The following LUC7L3 variants were observed in gnomAD, a reference collection of about 807,000 sequenced individuals.
LUC7L3 encodes the protein LUC7 like 3 pre-mRNA splicing factor.
Under a neutral mutation model 66.8 loss-of-function variants are expected in LUC7L3, and 6 were observed. The ratio of observed to expected loss-of-function variants is 0.09; its 90% confidence interval spans 0.05 to 0.18. The LOEUF is 0.18. LUC7L3 is among the 10% of genes least tolerant of loss of function. The pLI, the probability that LUC7L3 is intolerant of heterozygous loss-of-function variation, is 1.00. For missense variants in LUC7L3, 341 were observed against 531.1 expected (o/e 0.64, Z 3.52); for synonymous variants, 160 against 174.7 (o/e 0.92, Z 0.66).
At chr17:50,735,375 AAAAG>A (rs1424783361) in intron 1 of LUC7L3, among the ~76,000 whole-genome samples, 1 of 152,204 alleles carries the variant, frequency 6.6e-6, no homozygotes, top group Non-Finnish European at 1.5e-5. Context: ...TTGAGGAAAA[AAAAG>A]GCCTATTTCA....
chr17:50,750,993 CTTTTT>C lies in LUC7L3; in HGVS notation c.*340_*344del, dbSNP rs55943930. ...TTTTTTAGGGATTTTGATGTCATTT[CTTTTT>C]TTTTTTTAATAAAAAGGTTGAACTG... On this transcript the variant is annotated 3_prime_UTR_variant, in exon 10 of 10. Coordinates refer to ENST00000505658, the MANE Select transcript of LUC7L3 (RefSeq NM_016424.5). 2 of 1,076,892 alleles carry C rather than the reference CTTTTT, an allele frequency of 1.9e-6. No homozygotes were observed. Among genetic ancestry groups the C allele is most frequent in the Non-Finnish European group, 2.4e-6 (2 of 819,984 alleles). The allele number at this position is 1,076,892 out of a possible 1,614,324, so 66.7% of individuals were successfully genotyped here. A position where few individuals can be genotyped will look rare whatever the true frequency, so the allele number is the denominator to read the frequency against.
chr17:50,739,299 CAT>C (rs1224362823), intron 2 of LUC7L3, among the ~76,000 whole-genome samples: 1 of 152,156 alleles, frequency 6.6e-6, no homozygotes, highest in Non-Finnish European at 1.5e-5. Context: ...TATTTTGAGT[CAT>C]ATGTGAAATT....
chr17:50,724,128 A>G lies in LUC7L3; in HGVS notation c.99+4297A>G, dbSNP rs1481839181. The G allele has an allele frequency of 2.7e-5, 8 of 300,814 alleles. No individual in the cohort carries two copies. In the Admixed American group the frequency reaches 3.4e-4, roughly 13 times the overall value. 18.6% of individuals were successfully genotyped at this position (300,814 alleles called of 1,614,324 possible). A position where few individuals can be genotyped will look rare whatever the true frequency, so the allele number is the denominator to read the frequency against. On this transcript the variant is annotated intron_variant, in intron 1 of 9. Coordinates refer to ENST00000505658, the MANE Select transcript of LUC7L3 (RefSeq NM_016424.5). ...ATTTAGCAATATTAGCACATAGTCA[A>G]TATTATTTCCTCTGTATCCCTTCCA...
chr17:50,751,294 C>A lies in LUC7L3; in HGVS notation c.*633C>A. ...TTGCAGCTGACTACCATACCTCACA[C>A]AGCGTTGGTGTTGTGAGCGGCCCAT... is the stretch of plus-strand genomic sequence containing the variant. On this transcript the variant is annotated 3_prime_UTR_variant, in exon 10 of 10. Transcript: ENST00000505658. The A allele has an allele frequency of 7.6e-7, 1 of 1,320,640 alleles. No homozygotes were observed. The highest frequency in any genetic ancestry group is 9.9e-7 in the Non-Finnish European group (1 of 1,009,760). The allele number at this position is 1,320,640 out of a possible 1,614,324, so 81.8% of individuals were successfully genotyped here.
chr17:50,733,444 C>G (rs907815743), intron 1 of LUC7L3, among the ~76,000 whole-genome samples: 2 of 147,952 alleles, frequency 1.4e-5, no homozygotes, highest in Non-Finnish European at 3.0e-5. Flanking sequence ...CTCTGTCGCC[C>G]AGGCTGGAGT....
At position 50,744,715 on chromosome 17, in the gene LUC7L3, T is replaced by C. The variant is rs762029991; in HGVS notation, c.595T>C (p.Leu199=). The change falls in exon 7 of 10, where the codon TTA becomes CTA. Residue 199 remains leucine, a synonymous_variant. Coordinates refer to ENST00000505658, the MANE Select transcript of LUC7L3 (RefSeq NM_016424.5). ...AGTTTGTGAAGTATGTGGAGCCTTT[T>C]TAATAGTAGGAGATGCCCAGTCCCG... is the stretch of plus-strand genomic sequence containing the variant. The part of the protein sequence containing the change: ...MEVCEVCGAF[L]IVGDAQSRVD... The C allele has an allele frequency of 2.6e-5, 42 of 1,614,170 alleles. No homozygotes were observed. In the South Asian group the frequency reaches 2.9e-4, roughly 11 times the overall value.
intron 9 of LUC7L3, among the ~76,000 whole-genome samples, chr17:50,748,830 T>C (rs1970838419): frequency 6.6e-6 from 1 of 151,764 alleles, no homozygotes; most frequent in Non-Finnish European, 1.5e-5. Flanking sequence ...ATTTTGAAAA[T>C]GCTATGTAAA....
chr17:50,729,920 A>ATATATATATATATATAT (rs1969463268), intron 1 of LUC7L3, among the ~76,000 whole-genome samples: 1 of 33,160 alleles, frequency 3.0e-5, no homozygotes, highest in Non-Finnish European at 8.1e-5. Context: ...ATATATATAT[A>ATATATATATATATATAT]TATATATATA....
At chr17:50,734,698 CAGT>C (rs1352792090) in intron 1 of LUC7L3, among the ~76,000 whole-genome samples, 1 of 152,120 alleles carries the variant, frequency 6.6e-6, no homozygotes, top group Non-Finnish European at 1.5e-5. Context: ...GGAAAGAAAA[CAGT>C]AGAAAGATAC....
intron 1 of LUC7L3, among the ~76,000 whole-genome samples, chr17:50,730,561 C>T (rs1160345206): frequency 7.2e-6 from 1 of 138,342 alleles, no homozygotes; most frequent in East Asian, 2.2e-4. Context: ...GTGCAGACAG[C>T]ATTGAAAATA....
At chr17:50,740,185 A>G (rs1970257283) in intron 2 of LUC7L3, 121 bp from the exon 3 acceptor site, 2 of 722,626 alleles carry the variant, frequency 2.8e-6, no homozygotes, top group South Asian at 3.4e-5. Flanking sequence ...GATGTCTACA[A>G]ACTACTCAGT....
intron 6 of LUC7L3, 40 bp downstream of exon 6, chr17:50,743,850 A>G (rs1366749349): frequency 7.3e-7 from 1 of 1,372,504 alleles, no homozygotes; most frequent in East Asian, 2.3e-5. Context: ...TCTGTCTGTT[A>G]ACAGTTAGTA....
rs895000462 is a variant in LUC7L3 at position 50,751,530 on chromosome 17, A to G, written c.*869A>G. On this transcript the variant is annotated 3_prime_UTR_variant, in exon 10 of 10. Coordinates refer to ENST00000505658, the MANE Select transcript of LUC7L3 (RefSeq NM_016424.5). ...ATAAAACAAATGTTAACAGAATGGA[A>G]TTTTTTTTCAACTGTATGTAGGGCT... is the stretch of plus-strand genomic sequence containing the variant. The G allele has an allele frequency of 8.5e-7, 1 of 1,177,532 alleles. No homozygotes were observed. The highest frequency in any genetic ancestry group is 1.1e-6 in the Non-Finnish European group (1 of 935,826). The allele number at this position is 1,177,532 out of a possible 1,614,324, so 72.9% of individuals were successfully genotyped here. A position where few individuals can be genotyped will look rare whatever the true frequency, so the allele number is the denominator to read the frequency against.
intron 9 of LUC7L3, among the ~76,000 whole-genome samples, chr17:50,747,617 T>G (rs1057335048): frequency 6.6e-6 from 1 of 152,184 alleles, no homozygotes; most frequent in Admixed American, 6.5e-5. Flanking sequence ...TACTAGTCTT[T>G]TGTGTGTTGT....
chr17:50,728,644 C>T (rs2146704091), intron 1 of LUC7L3, among the ~76,000 whole-genome samples: 1 of 152,298 alleles, frequency 6.6e-6, no homozygotes, highest in South Asian at 2.1e-4. Context: ...ACCTCCGCTT[C>T]CCAGGTTCAA....
chr17:50,733,010 T>G (rs954511022), intron 1 of LUC7L3, among the ~76,000 whole-genome samples: 3 of 152,142 alleles, frequency 2.0e-5, no homozygotes, highest in African/African-American at 4.8e-5. Flanking sequence ...TGTTTATTCG[T>G]TTTTTTGTTT....
intron 1 of LUC7L3, among the ~76,000 whole-genome samples, chr17:50,725,255 C>G (rs920055209): frequency 6.6e-6 from 1 of 151,956 alleles, no homozygotes; most frequent in Non-Finnish European, 1.5e-5. Flanking sequence ...ACTAAAAATA[C>G]AAAAATTAGC....
At chr17:50,737,326 A>G (rs1020999944) in intron 2 of LUC7L3, 7 of 500,762 alleles carry the variant, frequency 1.4e-5, no homozygotes, top group East Asian at 5.5e-5. Context: ...GATGTCAGCA[A>G]ATTTTTGGAA....
intron 2 of LUC7L3, chr17:50,737,233 G>T: frequency 1.5e-6 from 1 of 654,042 alleles, no homozygotes; most frequent in Non-Finnish European, 2.8e-6. Flanking sequence ...AAACATACAT[G>T]TCTATTTCCA....
Sources: gnomAD v4.1 joint callset for allele counts (sites outside exome capture counted in the v4.1 genomes callset) on GRCh38, gnomAD v4.1.1 for gene constraint, MANE v1.5 for transcripts, NCBI Gene and HGNC (gene_info 2026-07-23, HGNC 2026-07-21) for gene names.